The following JAK2 variants were observed in gnomAD, a reference collection of about 807,000 sequenced individuals.
JAK2 encodes the protein tyrosine-protein kinase JAK2.
A neutral mutation model predicts 139.3 loss-of-function variants in JAK2; 86 were observed. That is an observed-to-expected ratio of 0.62 (90% CI 0.52 to 0.74). The LOEUF is 0.74. JAK2 is among the 30% of genes least tolerant of loss of function. The pLI, the probability that JAK2 is intolerant of heterozygous loss-of-function variation, is 0.00. For synonymous variants in JAK2, 490 were observed against 437.7 expected (o/e 1.12, Z -1.49); for missense variants, 1,421 against 1,360.3 (o/e 1.04, Z -0.70).
chr9:5,106,258 A>G (rs748182460), intron 22 of JAK2, among the ~76,000 whole-genome samples: 71 of 152,262 alleles, frequency 4.7e-4, no homozygotes, highest in Non-Finnish European at 7.8e-4. Flanking sequence ...GACACTTCTC[A>G]AAAGAAGGCA....
At chr9:5,098,139 G>T (rs1348895041) in intron 22 of JAK2, 2 of 152,118 alleles carry the variant, frequency 1.3e-5, no homozygotes, top group Non-Finnish European at 2.9e-5. Context: ...AATTTAGAGT[G>T]ACTTTATGGC....
intron 9 of JAK2, among the ~76,000 whole-genome samples, chr9:5,065,755 T>C (rs957938265): frequency 3.3e-5 from 5 of 152,202 alleles, no homozygotes; most frequent in Non-Finnish European, 7.4e-5. Context: ...AGCTAGGATG[T>C]GGTTTATGTT....
chr9:5,112,384 A>G (rs1040779317), intron 22 of JAK2: 1 of 425,776 alleles, frequency 2.3e-6, no homozygotes. Context: ...GCCACTGGGG[A>G]AATCAAGCGG....
At chr9:5,039,229 C>T (rs1247520057) in intron 4 of JAK2, among the ~76,000 whole-genome samples, 1 of 152,060 alleles carries the variant, frequency 6.6e-6, no homozygotes, top group African/African-American at 2.4e-5. Flanking sequence ...AGTCATCCCG[C>T]TGTATCCATG....
chr9:5,068,096 G>A (rs1261378603), intron 10 of JAK2, among the ~76,000 whole-genome samples: 1 of 151,294 alleles, frequency 6.6e-6, no homozygotes, highest in Non-Finnish European at 1.5e-5. Flanking sequence ...GGAGGTGGAG[G>A]TTGCAGTGAG....
chr9:5,096,304 T>C (rs1362974346), intron 22 of JAK2, among the ~76,000 whole-genome samples: 1 of 152,202 alleles, frequency 6.6e-6, no homozygotes, highest in African/African-American at 2.4e-5. Flanking sequence ...TCAAAACCCT[T>C]AGTAAATGAA....
intron 2 of JAK2, among the ~76,000 whole-genome samples, chr9:5,004,820 A>T (rs1821170304): frequency 6.6e-6 from 1 of 151,900 alleles, no homozygotes; most frequent in African/African-American, 2.4e-5. Context: ...GATAAGGCTC[A>T]TTGTAACAGG....
intron 19 of JAK2, chr9:5,085,977 T>G: frequency 9.8e-7 from 1 of 1,025,192 alleles, no homozygotes; most frequent in Non-Finnish European, 1.5e-6. Flanking sequence ...ACTGTGTGTT[T>G]TGCTGTACGG....
intron 22 of JAK2, among the ~76,000 whole-genome samples, chr9:5,118,688 G>A (rs1318235304): frequency 6.6e-6 from 1 of 152,182 alleles, no homozygotes; most frequent in Non-Finnish European, 1.5e-5. Flanking sequence ...GTTTGTGTAA[G>A]TGAGTGGACA....
In JAK2 at chr9:5,081,778, C is replaced by G. The variant is rs138340828; in HGVS notation, c.2488C>G (p.Leu830Val). The part of the protein sequence containing the change: ...DMLPNMRIGA[L>V]GFSGAFEDRD... ...GTTACCAAATATGAGGATAGGTGCC[C>G]TGGGGTTTTCTGGTGCCTTTGAAGA... The change falls in exon 19 of 25, where the codon CTG (leucine) becomes GTG (valine). Residue 830 changes from leucine (L) to valine (V), a missense_variant. Transcript: ENST00000381652. 1.9e-6 allele frequency: 3 copies of G among 1,604,808 alleles called. No homozygotes were observed. The highest frequency in any genetic ancestry group is 3.3e-5 in the Admixed American group (2 of 59,972).
chr9:5,055,595 G>A (rs1817705140), intron 7 of JAK2, 74 bp from the exon 8 acceptor site: 2 of 1,149,298 alleles, frequency 1.7e-6, no homozygotes, highest in Non-Finnish European at 1.2e-6. Context: ...AAAGAATGTT[G>A]TCTTCTTAAG....
At chr9:5,069,865 T>C (rs1314429482) in intron 11 of JAK2, 60 bp from the exon 12 acceptor site, 13 of 1,158,930 alleles carry the variant, frequency 1.1e-5, no homozygotes, top group Non-Finnish European at 1.5e-5. Context: ...TACTCCTCTT[T>C]GGAGCAATTC....
chr9:5,031,086 A>G (rs1024364467), intron 4 of JAK2, among the ~76,000 whole-genome samples: 3 of 152,156 alleles, frequency 2.0e-5, no homozygotes, highest in Non-Finnish European at 4.4e-5. Context: ...AAGAATATGA[A>G]GAATTAGGAC....
chr9:5,086,152 G>C (rs559004276), intron 19 of JAK2: 10 of 365,050 alleles, frequency 2.7e-5, no homozygotes, highest in Non-Finnish European at 4.0e-5. Context: ...CGCAAGGCTC[G>C]GGGAGCGGTC....
chr9:5,086,209 G>T, intron 19 of JAK2: 2 of 588,138 alleles, frequency 3.4e-6, no homozygotes, highest in Non-Finnish European at 4.4e-6. Flanking sequence ...CCCGCCACCA[G>T]CGCGAGGCCA....
intron 8 of JAK2, among the ~76,000 whole-genome samples, chr9:5,062,500 T>TAAAAAAAAAAAAAAAAAAAAAAAAAAAAA (rs58424625): frequency 5.2e-5 from 3 of 58,246 alleles, no homozygotes; most frequent in African/African-American, 3.1e-4. Flanking sequence ...CTTCCATTTG[T>TAAAAAAAAAAAAAAAAAAAAAAAAAAAAA]AAAAAAAAAA....
intron 12 of JAK2, among the ~76,000 whole-genome samples, chr9:5,072,160 G>C (rs1418171064): frequency 6.6e-6 from 1 of 152,112 alleles, no homozygotes; most frequent in Non-Finnish European, 1.5e-5. Flanking sequence ...TGTGCTAGTA[G>C]GAAAGGCAAA....
intron 4 of JAK2, among the ~76,000 whole-genome samples, chr9:5,033,862 A>G (rs977868215): frequency 8.5e-5 from 13 of 152,212 alleles, no homozygotes; most frequent in Non-Finnish European, 1.5e-4. Context: ...GTAACGTCAT[A>G]AAGACCGGAT....
intron 2 of JAK2, among the ~76,000 whole-genome samples, chr9:4,990,673 A>G (rs571872437): frequency 1.4e-4 from 21 of 152,200 alleles, no homozygotes; most frequent in Non-Finnish European, 2.2e-4. Context: ...CATGTTGATC[A>G]TTGGCAAGAA....
Sources: allele counts gnomAD v4.1 joint callset (sites outside exome capture counted in the v4.1 genomes callset), GRCh38; gene constraint gnomAD v4.1.1; transcripts MANE v1.5; gene names NCBI Gene and HGNC (gene_info 2026-07-23, HGNC 2026-07-21).